Variants in EBF4 observed in about 807,000 individuals in gnomAD.
EBF4 encodes the protein transcription factor COE4.
A neutral mutation model predicts 67.1 loss-of-function variants in EBF4; 34 were observed. That is an observed-to-expected ratio of 0.51 (90% CI 0.39 to 0.67). The LOEUF (loss-of-function observed/expected upper bound fraction) is 0.67. Ranked by LOEUF, EBF4 falls within the 30% of genes least tolerant of loss-of-function variation. The pLI is 0.00. For missense variants in EBF4, 837 were observed against 873.3 expected, an observed-to-expected ratio of 0.96 and a Z score of 0.52; for synonymous variants, 387 against 377.7, an observed-to-expected ratio of 1.02 and a Z score of -0.29.
In EBF4 at chr20:2,699,099, C is replaced by T. The variant is rs139081101; in HGVS notation, c.137+5317C>T. 9.8e-4 allele frequency among the ~76,000 whole-genome samples: 150 copies of T among 152,292 alleles called. 1 individual carries two copies. In the South Asian group the frequency reaches 0.022, roughly 23 times the overall value. On this transcript the variant is annotated intron_variant, in intron 1 of 16. Coordinates refer to ENST00000609451, the Ensembl canonical transcript of EBF4. ...CTGTGGCAGGGGAGAGCAGCTGCCGCGAAAAGGGCCCTGGAGTGTCCTGCT... is the reference window on the plus strand; with the variant it reads ...CTGTGGCAGGGGAGAGCAGCTGCCGTGAAAAGGGCCCTGGAGTGTCCTGCT...
chr20:2,723,451 C>T (rs901207213), intron 6 of EBF4, among the ~76,000 whole-genome samples: 1 of 151,942 alleles, frequency 6.6e-6, no homozygotes, highest in Non-Finnish European at 1.5e-5. Flanking sequence ...CCCGGGTTCA[C>T]GCCATTCTCC....
At chr20:2,730,588 G>A (rs141796599) in intron 6 of EBF4, among the ~76,000 whole-genome samples, 5 of 152,264 alleles carry the variant, frequency 3.3e-5, no homozygotes, top group South Asian at 4.2e-4. Context: ...CAACAATGAC[G>A]TCCCCTATAC....
In EBF4 at chr20:2,747,340, A is replaced by G. The variant is rs1172652513; in HGVS notation, c.558-1209A>G. Among the ~76,000 whole-genome samples, 2 of 152,096 alleles carry G rather than the reference A, an allele frequency of 1.3e-5. No individual in the cohort carries two copies. Among genetic ancestry groups the G allele is most frequent in the Admixed American group, 1.3e-4 (2 of 15,270 alleles). On this transcript the variant is annotated intron_variant, in intron 6 of 16. Coordinates refer to ENST00000609451, the Ensembl canonical transcript of EBF4. The surrounding 1 kb of genome is among the most constrained non-coding windows in gnomAD (Gnocchi z 4.6). ...AACAAAAAAAAAAAAACAGGAAAAA[A>G]AAGAGTACAACAGCCAGAATGTTGT... is the stretch of plus-strand genomic sequence containing the variant.
chr20:2,717,945 G>A (rs2087632092), intron 6 of EBF4, among the ~76,000 whole-genome samples: 2 of 151,884 alleles, frequency 1.3e-5, no homozygotes, highest in South Asian at 4.2e-4. Context: ...TGAGTAGCTG[G>A]GATTACAGAT....
intron 7 of EBF4, among the ~76,000 whole-genome samples, chr20:2,749,159 G>GT (rs1463920320): frequency 6.6e-6 from 1 of 152,214 alleles, no homozygotes; most frequent in Non-Finnish European, 1.5e-5. Context: ...TAAGGAGCCA[G>GT]TTTTTTCAGG....
chr20:2,731,201 T>C (rs950161814), intron 6 of EBF4, among the ~76,000 whole-genome samples: 6 of 152,168 alleles, frequency 3.9e-5, no homozygotes, highest in African/African-American at 1.4e-4. Context: ...CCAGCCCAGC[T>C]TTGCTGTTTG....
intron 6 of EBF4, among the ~76,000 whole-genome samples, chr20:2,721,585 A>T (rs1373526449): frequency 2.0e-5 from 3 of 151,922 alleles, no homozygotes; most frequent in African/African-American, 7.2e-5. Flanking sequence ...CTCCCGAGTA[A>T]CTGGGTTTAC....
intron 6 of EBF4, among the ~76,000 whole-genome samples, chr20:2,723,422 C>T (rs988188935): frequency 2.6e-5 from 4 of 152,112 alleles, no homozygotes; most frequent in African/African-American, 9.7e-5. Flanking sequence ...GCAATCTCGG[C>T]TCACTGCAAG....
intron 1 of EBF4, among the ~76,000 whole-genome samples, chr20:2,703,114 A>T (rs542223524): frequency 6.6e-6 from 1 of 151,918 alleles, no homozygotes; most frequent in Admixed American, 6.6e-5. Flanking sequence ...AAAATTATCC[A>T]GGCATGGTGG....
chr20:2,704,140 A>T (rs541810833), intron 1 of EBF4, among the ~76,000 whole-genome samples: 12 of 152,230 alleles, frequency 7.9e-5, no homozygotes, highest in African/African-American at 2.9e-4. Flanking sequence ...TATTGACCTC[A>T]CAGGCCAATC....
chr20:2,735,530 T>C (rs1308744758), intron 6 of EBF4, among the ~76,000 whole-genome samples: 1 of 152,240 alleles, frequency 6.6e-6, no homozygotes. Context: ...AGTGTTCTTG[T>C]TTCTTTATGG....
chr20:2,753,041 G>C (rs1425736009), intron 14 of EBF4, among the ~76,000 whole-genome samples: 1 of 152,250 alleles, frequency 6.6e-6, no homozygotes, highest in African/African-American at 2.4e-5. Context: ...TGTGGTCCCC[G>C]CGATGTCGTC....
chr20:2,752,292 T>C, intron 13 of EBF4, 29 bp downstream of exon 13: 1 of 1,209,922 alleles, frequency 8.3e-7, no homozygotes, highest in Non-Finnish European at 1.0e-6. Context: ...CCCGCCGTCC[T>C]CGGGCGCCGC....
At position 2,705,983 on chromosome 20, in the gene EBF4, G is replaced by A. The variant is rs1265509311; in HGVS notation, c.304G>A (p.Ala102Thr). 1.3e-6 allele frequency: 2 copies of A among 1,551,490 alleles called. No homozygotes were observed. The highest frequency in any genetic ancestry group is 1.7e-6 in the Non-Finnish European group (2 of 1,146,956). Residue 102 changes from alanine to threonine, a missense_variant, in exon 3 of 17, where the codon GCG (alanine) becomes ACG (threonine). Around this residue, in one of 3 missense-constraint regions of EBF4, gnomAD observed 226 missense variants for 306.5 expected, o/e 0.74. Transcript: ENST00000609451. ...CATCTTGTCCCTGCAGGAGCCCGGG[G>A]CGGAAAAGACTAACAATGGGATCCA...
chr20:2,718,466 A>G (rs2087639099), intron 6 of EBF4, among the ~76,000 whole-genome samples: 1 of 152,198 alleles, frequency 6.6e-6, no homozygotes, highest in Non-Finnish European at 1.5e-5. Context: ...CAATTTCTCT[A>G]ATAGATATAG....
At chr20:2,752,016 C>T in intron 12 of EBF4, 29 bp downstream of exon 12, 1 of 1,533,926 alleles carries the variant, frequency 6.5e-7, no homozygotes. Context: ...CCCAGCGCCG[C>T]CGGGACCGGG....
rs976444856 is a variant in EBF4 at position 2,707,184 on chromosome 20, G to A, written c.415-763G>A. 6.6e-6 allele frequency among the ~76,000 whole-genome samples: 1 copy of A among 152,132 alleles called. No homozygotes were observed. Among genetic ancestry groups the A allele is most frequent in the Non-Finnish European group, 1.5e-5 (1 of 68,010 alleles). On this transcript the variant is annotated intron_variant, in intron 4 of 16. Coordinates refer to ENST00000609451, the Ensembl canonical transcript of EBF4. The surrounding 1 kb of genome is among the most constrained non-coding windows in gnomAD (Gnocchi z 4.6). ...TGTTTCTAGAATACCCATGGCCACT[G>A]GGCTGGGGGAGGCAGGCCAGGCAGT...
chr20:2,715,228 G>GGTGTA (rs1339481562), intron 6 of EBF4, among the ~76,000 whole-genome samples: 3 of 151,914 alleles, frequency 2.0e-5, no homozygotes, highest in Non-Finnish European at 4.4e-5. Flanking sequence ...AAAGTGTGTT[G>GGTGTA]GTGTAGTTTA....
At chr20:2,695,716 T>A (rs1306550770) in intron 1 of EBF4, among the ~76,000 whole-genome samples, 1 of 152,218 alleles carries the variant, frequency 6.6e-6, no homozygotes, top group African/African-American at 2.4e-5. Flanking sequence ...GTCAGTCCTC[T>A]GCACGGGTCT....
Sources: gnomAD v4.1 joint callset for allele counts (sites outside exome capture counted in the v4.1 genomes callset) on GRCh38, gnomAD v4.1.1 for gene constraint, gnomAD v4.1.1 regional missense constraint, Gnocchi (gnomAD v3.1) non-coding constraint, MANE v1.5 for transcripts, NCBI Gene and HGNC (gene_info 2026-07-23, HGNC 2026-07-21) for gene names.